WDR3: variants seen among roughly 807,000 people sequenced by gnomAD.
WDR3 encodes WD repeat-containing protein 3.
A neutral mutation model predicts 123.7 loss-of-function variants in WDR3; 81 were observed. The observed-to-expected ratio is 0.65, with a 90% CI of 0.55 to 0.79. The LOEUF is 0.79. WDR3 is among the 30% of genes least tolerant of loss of function. The pLI, the probability that WDR3 is intolerant of heterozygous loss-of-function variation, is 0.00. For missense variants in WDR3, 1,027 were observed against 1,123.2 expected, an observed-to-expected ratio of 0.91 and a Z score of 1.22; for synonymous variants, 390 against 388.8, an observed-to-expected ratio of 1.00 and a Z score of -0.04.
rs1372888031 is a variant in WDR3, at chr1:117,962,561, G to C, written c.*3114G>C. On this transcript the variant is annotated 3_prime_UTR_variant, in exon 27 of 27. Coordinates refer to ENST00000349139, the MANE Select transcript of WDR3 (RefSeq NM_006784.3). ...AGACTCCATTGAAAAAAAAAAAAAA[G>C]GCTCTTGAATGATGTATTGGGAGTA... is the stretch of plus-strand genomic sequence containing the variant. 6.9e-6 allele frequency: 1 copy of C among 143,892 alleles called. No homozygotes were observed. Among genetic ancestry groups the C allele is most frequent in the Non-Finnish European group, 1.5e-5 (1 of 66,046 alleles). 8.9% of individuals were successfully genotyped at this position (143,892 alleles called of 1,614,324 possible).
At chr1:117,941,381 A>G (rs1651165116) in intron 8 of WDR3, among the ~76,000 whole-genome samples, 156 bp downstream of exon 8, 1 of 152,238 alleles carries the variant, frequency 6.6e-6, no homozygotes, top group Non-Finnish European at 1.5e-5. Flanking sequence ...CTTTATTAGC[A>G]TAACAACAAA....
In WDR3 at chr1:117,952,353, A is replaced by G. The variant is rs935538421; in HGVS notation, c.1961A>G (p.Asp654Gly). Reference protein sequence around the residue: ...KSHLFFTAGKDHKIKQWDADK... With the variant: ...KSHLFFTAGKGHKIKQWDADK... ...CACCTCTTCTTCACTGCCGGAAAAG[A>G]TCATAAGATTAAACAGTGGGATGCA... The change falls in exon 18 of 27, where the codon GAT (aspartate) becomes GGT (glycine). Residue 654 changes from aspartate to glycine, a missense_variant. By Grantham distance (94) the Asp-to-Gly change is moderately conservative. Transcript: ENST00000349139. 6.2e-7 allele frequency: 1 copy of G among 1,613,514 alleles called. No individual in the cohort carries two copies. The highest frequency in any genetic ancestry group is 1.3e-5 in the African/African-American group (1 of 75,028).
At chr1:117,948,267 GAA>G in intron 12 of WDR3, 136 bp from the exon 13 acceptor site, 2 of 663,452 alleles carry the variant, frequency 3.0e-6, no homozygotes, top group South Asian at 3.8e-5. Flanking sequence ...ACAGAACATG[GAA>G]TGTGGGATCC....
intron 3 of WDR3, among the ~76,000 whole-genome samples, chr1:117,935,200 A>C (rs187276989): frequency 6.6e-4 from 101 of 152,330 alleles, no homozygotes; most frequent in African/African-American, 2.4e-3. Flanking sequence ...CAAGGTATTG[A>C]AAAGATGGTA....
intron 23 of WDR3, 38 bp from the exon 24 acceptor site, chr1:117,955,277 C>A: frequency 6.4e-7 from 1 of 1,572,284 alleles, no homozygotes; most frequent in Non-Finnish European, 8.7e-7. Context: ...AGAAACCAAC[C>A]AAGAGTATCA....
Position 117,957,273 on chromosome 1 carries a change from A to G in WDR3, c.2582+77A>G, listed in dbSNP as rs1054392341. 2.5e-5 allele frequency: 37 copies of G among 1,476,946 alleles called. No individual in the cohort carries two copies. The Middle Eastern group carries it at 8.9e-4, about 36-fold the overall frequency. 91.5% of individuals were successfully genotyped at this position (1,476,946 alleles called of 1,614,324 possible). ...TAGTACCTTAACTGAAGCTGTCAAC[A>G]CTTTGGGATTAAGAAATAGTATGCC... is the stretch of plus-strand genomic sequence containing the variant. On this transcript the variant is annotated intron_variant, in intron 25 of 26. Transcript: ENST00000349139.
intron 11 of WDR3, among the ~76,000 whole-genome samples, chr1:117,944,143 C>T (rs1651283575): frequency 6.6e-6 from 1 of 152,210 alleles, no homozygotes; most frequent in Non-Finnish European, 1.5e-5. Context: ...CTTCATCTGT[C>T]TCCCATCAAG....
Position 117,959,415 on chromosome 1 carries a change from A to G in WDR3, c.2800A>G (p.Lys934Glu), listed in dbSNP as rs1652721457. The change falls in exon 27 of 27, where the codon AAG becomes GAG. Residue 934 changes from lysine (K) to glutamate (E), a missense_variant. Lys to Glu is a moderately conservative substitution (Grantham distance 56). Transcript: ENST00000349139. ...HLEEKKRKRK[K>E]REKLILTLT ...GGAAGAGAAGAAGAGGAAGAGGAAA[A>G]AGAGGGAGAAGTTGATTCTAACGTT... 1 of 1,613,410 alleles carries G rather than the reference A, an allele frequency of 6.2e-7. No individual in the cohort carries two copies. The highest frequency in any genetic ancestry group is 8.5e-7 in the Non-Finnish European group (1 of 1,179,736).
chr1:117,943,330 C>A, intron 10 of WDR3, 66 bp from the exon 11 acceptor site: 3 of 1,378,304 alleles, frequency 2.2e-6, no homozygotes, highest in Non-Finnish European at 3.0e-6. Context: ...AAGCCTTTTC[C>A]TGGAAAAAGT....
intron 10 of WDR3, 115 bp from the exon 11 acceptor site, chr1:117,943,281 T>C (rs1651244093): frequency 7.7e-6 from 7 of 911,996 alleles, no homozygotes; most frequent in South Asian, 1.7e-5. Context: ...AAAAATTGTT[T>C]ATAGTTATTC....
At chr1:117,949,390 C>G (rs555319131) in intron 13 of WDR3, among the ~76,000 whole-genome samples, 1 of 152,128 alleles carries the variant, frequency 6.6e-6, no homozygotes, top group Admixed American at 6.5e-5. Flanking sequence ...CATTGCAGGA[C>G]TAAATTTATA....
chr1:117,940,015 T>A (rs111679212), intron 6 of WDR3, among the ~76,000 whole-genome samples: 1,704 of 152,352 alleles, frequency 0.011, 29 homozygotes, highest in African/African-American at 0.039. Flanking sequence ...AATTTCGGTG[T>A]GTGCTGGGTC....
In WDR3 at chr1:117,958,990, T is replaced by G; in HGVS notation, c.2663T>G (p.Val888Gly). ...EKLRETTISK[V>G]SQVRDVIGFN... Reference sequence around the variant, plus strand: ...TTAAGGGAAACAACTATTTCAAAAGTCAGCCAAGTCCGGGTAAGTGTCTTT... The same window carrying G: ...TTAAGGGAAACAACTATTTCAAAAGGCAGCCAAGTCCGGGTAAGTGTCTTT... Residue 888 changes from valine (V) to glycine (G), a missense_variant, in exon 26 of 27, where the codon GTC becomes GGC. Val to Gly is a moderately radical substitution (Grantham distance 109). Coordinates refer to ENST00000349139, the MANE Select transcript of WDR3 (RefSeq NM_006784.3). The G allele has an allele frequency of 6.2e-7, 1 of 1,613,910 alleles. No homozygotes were observed.
chr1:117,936,060 AAAAT>A (rs1409809670), intron 3 of WDR3, among the ~76,000 whole-genome samples: 8 of 152,048 alleles, frequency 5.3e-5, no homozygotes, highest in Non-Finnish European at 1.0e-4. Context: ...AATGTAAATT[AAAAT>A]AAATATTAAG....
intron 6 of WDR3, among the ~76,000 whole-genome samples, chr1:117,940,246 A>G (rs1343578563): frequency 6.6e-6 from 1 of 152,200 alleles, no homozygotes; most frequent in African/African-American, 2.4e-5. Context: ...ACTAAACAGT[A>G]GTCCTTATGC....
At chr1:117,957,025 G>A (rs757530217) in intron 24 of WDR3, 43 bp from the exon 25 acceptor site, 24 of 1,507,818 alleles carry the variant, frequency 1.6e-5, no homozygotes, top group East Asian at 9.6e-5. Flanking sequence ...TGTTAACAAC[G>A]TTAACAAATG....
intron 25 of WDR3, 66 bp from the exon 26 acceptor site, chr1:117,958,844 T>C: frequency 2.5e-6 from 3 of 1,205,618 alleles, no homozygotes; most frequent in Non-Finnish European, 3.6e-6. Context: ...CTGTTTACTG[T>C]TTCTAGAAGG....
At chr1:117,931,132 G>A (rs1229610648) in intron 1 of WDR3, among the ~76,000 whole-genome samples, 27 of 152,092 alleles carry the variant, frequency 1.8e-4, no homozygotes, top group Admixed American at 1.8e-3. Context: ...ATAGGTTCTT[G>A]CTGTGTTGCC....
Position 117,959,698 on chromosome 1 carries a change from C to A in WDR3, c.*251C>A, listed in dbSNP as rs1210047957. ...CTGTGCTCTCAAAGCTTGAGCCTTG[C>A]AGCTCAAGCTTGTTGTTCCCTTTAT... On this transcript the variant is annotated 3_prime_UTR_variant, in exon 27 of 27. Coordinates refer to ENST00000349139, the MANE Select transcript of WDR3 (RefSeq NM_006784.3). 3 of 316,866 alleles carry A rather than the reference C, an allele frequency of 9.5e-6. No homozygotes were observed. Among genetic ancestry groups the A allele is most frequent in the African/African-American group, 4.3e-5 (2 of 46,698 alleles). The allele number at this position is 316,866 out of a possible 1,614,324, so 19.6% of individuals were successfully genotyped here.
Sources: allele counts gnomAD v4.1 joint callset (sites outside exome capture counted in the v4.1 genomes callset), GRCh38; gene constraint gnomAD v4.1.1; transcripts MANE v1.5; gene names NCBI Gene and HGNC (gene_info 2026-07-23, HGNC 2026-07-21).